The following PFKFB3 variants were observed in gnomAD, a reference collection of about 807,000 sequenced individuals.
PFKFB3 encodes the protein 6-phosphofructo-2-kinase/fructose-2,6-bisphosphatase 3.
In PFKFB3, 33 loss-of-function variants were observed where a neutral mutation model predicts 68.0. The observed-to-expected ratio is 0.49, with a 90% CI of 0.37 to 0.65. PFKFB3 has a LOEUF of 0.65. Among genes scored for constraint, PFKFB3 ranks in the 30% least tolerant of loss-of-function variants. PFKFB3 has a pLI of 0.00. For synonymous variants in PFKFB3, 315 were observed against 288.2 expected (o/e 1.09, Z -0.94); for missense variants, 586 against 712.2 (o/e 0.82, Z 2.02).
At chr10:6,259,184 TATCCATCCATCC>T (rs199968075), downstream of PFKFB3, among the ~76,000 whole-genome samples, 185 of 138,512 alleles carry the variant, frequency 1.3e-3, no homozygotes, top group Admixed American at 3.3e-3. Context: ...CCCATCCATC[TATCCATCCATCC>T]ATCCATCCAT....
chr10:6,217,514 C>A (rs11812483), intron 6 of PFKFB3, among the ~76,000 whole-genome samples: 6,532 of 151,864 alleles, frequency 0.043, 488 homozygotes, highest in African/African-American at 0.15. Context: ...GGCAGAGGGC[C>A]GCTCACTGCC....
chr10:6,290,240 T>C, the PFKFB3 span, among the ~76,000 whole-genome samples: 2 of 151,964 alleles, frequency 1.3e-5, no homozygotes, highest in Non-Finnish European at 2.9e-5. Context: ...TCCAACACTA[T>C]GTTGAATAGG....
At chr10:6,318,467 TC>T in the PFKFB3 span, among the ~76,000 whole-genome samples, 1 of 152,118 alleles carries the variant, frequency 6.6e-6, no homozygotes, top group Non-Finnish European at 1.5e-5. Flanking sequence ...CTCTCCTTCT[TC>T]CCCAGGGGGT....
At chr10:6,181,589 G>T (rs1249228273) in intron 1 of PFKFB3, among the ~76,000 whole-genome samples, 1 of 152,216 alleles carries the variant, frequency 6.6e-6, no homozygotes, top group Non-Finnish European at 1.5e-5. Flanking sequence ...GGAGGCTGAG[G>T]CGGGAGGATT....
At chr10:6,259,042 T>C (rs1846514087), downstream of PFKFB3, among the ~76,000 whole-genome samples, 1 of 152,204 alleles carries the variant, frequency 6.6e-6, no homozygotes, top group South Asian at 2.1e-4. Context: ...AAAACCACTC[T>C]TGTTTCAGTT....
chr10:6,253,311 A>G (rs1362156574), intron 14 of PFKFB3, among the ~76,000 whole-genome samples: 2 of 152,202 alleles, frequency 1.3e-5, no homozygotes, highest in Non-Finnish European at 2.9e-5. Context: ...AAAAGGCTTG[A>G]CTGTTAGTCT....
At position 6,226,324 on chromosome 10, in the gene PFKFB3, A is replaced by G. The variant is rs753284638; in HGVS notation, c.1474A>G (p.Ser492Gly). Residue 492 changes from serine to glycine, a missense_variant, in exon 14 of 15, where the codon AGC becomes GGC. Physicochemically the swap from Ser to Gly is moderately conservative, Grantham distance 56. Coordinates refer to ENST00000379775, the MANE Select transcript of PFKFB3 (RefSeq NM_004566.4). Reference protein sequence around the residue: ...HVASTSAALPSCLPPEVPTQL... With the variant: ...HVASTSAALPGCLPPEVPTQL... ...GGCCTCCACCTCGGCCGCCCTGCCC[A>G]GCTGCCTGCCCCCGGAGGTGCCCAC... is the stretch of plus-strand genomic sequence containing the variant. 1.9e-6 allele frequency: 3 copies of G among 1,613,922 alleles called. No individual in the cohort carries two copies. Among genetic ancestry groups the G allele is most frequent in the Non-Finnish European group, 2.5e-6 (3 of 1,179,964 alleles).
chr10:6,176,114 A>G (rs1181913581), intron 1 of PFKFB3, among the ~76,000 whole-genome samples: 1 of 152,252 alleles, frequency 6.6e-6, no homozygotes, highest in African/African-American at 2.4e-5. Flanking sequence ...CGTGCAGTGG[A>G]ATACTACAGA....
intron 13 of PFKFB3, chr10:6,224,469 G>C (rs1324174791): frequency 1.6e-6 from 1 of 634,122 alleles, no homozygotes; most frequent in Non-Finnish European, 2.9e-6. Flanking sequence ...ATATTAGTGA[G>C]GAAGATACAT....
intron 1 of PFKFB3, among the ~76,000 whole-genome samples, chr10:6,157,287 C>A (rs1475792157): frequency 6.7e-6 from 1 of 149,900 alleles, no homozygotes; most frequent in Non-Finnish European, 1.5e-5. Context: ...AGTGCAGTGG[C>A]GCGATCTCGG....
At position 6,177,433 on chromosome 10, in the gene PFKFB3, TCTTTC is replaced by T. The variant is rs1564599844; in HGVS notation, c.16+32421_16+32425del. On this transcript the variant is annotated intron_variant, in intron 1 of 14. Coordinates refer to the PFKFB3 transcript ENST00000379789. ...CTTCTTTCTCTTTCTTCCTTTCTTT[TCTTTC>T]TCTTTCTTTCTTTCTTTCTTTCTTT... Among the ~76,000 whole-genome samples the T allele has an allele frequency of 7.7e-3, 705 of 91,402 alleles. 35 individuals are homozygous for T. The East Asian group carries it at 0.09, about 12-fold the overall frequency. 60.0% of individuals were successfully genotyped at this position (91,402 alleles called of 152,430 possible).
intron 14 of PFKFB3, among the ~76,000 whole-genome samples, chr10:6,250,844 C>G (rs1846365057): frequency 6.6e-6 from 1 of 152,150 alleles, no homozygotes. Flanking sequence ...TTATAACCGG[C>G]CCAAATGGCA....
At chr10:6,274,374 A>C in the PFKFB3 span, among the ~76,000 whole-genome samples, 1 of 152,194 alleles carries the variant, frequency 6.6e-6, no homozygotes, top group Non-Finnish European at 1.5e-5. Context: ...TTACATTTAA[A>C]AAATAACACA....
chr10:6,273,344 G>T, the PFKFB3 span, among the ~76,000 whole-genome samples: 1 of 152,100 alleles, frequency 6.6e-6, no homozygotes, highest in Non-Finnish European at 1.5e-5. Flanking sequence ...TCTGGGGCCC[G>T]AGGAGCTTGC....
chr10:6,151,010 C>A (rs1342097695), intron 1 of PFKFB3, among the ~76,000 whole-genome samples: 2 of 151,904 alleles, frequency 1.3e-5, no homozygotes, highest in Non-Finnish European at 2.9e-5. Context: ...AGAACAACAA[C>A]AACAAAAAGC....
the PFKFB3 span, chr10:6,293,357 TC>T: frequency 3.6e-6 from 1 of 279,184 alleles, no homozygotes; most frequent in East Asian, 1.0e-4. Flanking sequence ...TTTCTTTCTT[TC>T]TTTCGGAGAT....
Position 6,233,011 on chromosome 10 carries a change from G to A in PFKFB3, c.*69G>A, listed in dbSNP as rs1564222673. ...GCTTGTGTCCTGCCCTCCGCCCGAG[G>A]CAAAACGTATCCTGAGGACTTCTTC... On this transcript the variant is annotated 3_prime_UTR_variant, in exon 15 of 15. Coordinates refer to ENST00000379775, the MANE Select transcript of PFKFB3 (RefSeq NM_004566.4). 9 of 1,250,070 alleles carry A rather than the reference G, an allele frequency of 7.2e-6. No individual in the cohort carries two copies. Among genetic ancestry groups the A allele is most frequent in the Non-Finnish European group, 1.1e-5 (9 of 849,166 alleles). 77.4% of individuals were successfully genotyped at this position (1,250,070 alleles called of 1,614,324 possible).
intron 1 of PFKFB3, among the ~76,000 whole-genome samples, chr10:6,161,181 C>T (rs1209264846): frequency 6.6e-6 from 1 of 152,166 alleles, no homozygotes. Flanking sequence ...GATGGTTCAC[C>T]TGCCTTGTCC....
At chr10:6,319,839 T>G in the PFKFB3 span, among the ~76,000 whole-genome samples, 1 of 152,222 alleles carries the variant, frequency 6.6e-6, no homozygotes, top group South Asian at 2.1e-4. Flanking sequence ...TTGGTTTTAT[T>G]TCCCTTCAAG....
Sources: allele counts gnomAD v4.1 joint callset (sites outside exome capture counted in the v4.1 genomes callset), GRCh38; gene constraint gnomAD v4.1.1; transcripts MANE v1.5; gene names NCBI Gene and HGNC (gene_info 2026-07-23, HGNC 2026-07-21).